Variants in F13A1 observed in about 807,000 individuals in gnomAD.
F13A1 encodes coagulation factor XIII A chain.
F13A1 carries 47 observed loss-of-function variants against 80.1 expected under a neutral mutation model. The observed-to-expected ratio is 0.59, with a 90% CI of 0.46 to 0.75. The LOEUF (loss-of-function observed/expected upper bound fraction) is 0.75, where lower values mean the gene tolerates loss of function less well. Among genes scored for constraint, F13A1 ranks in the 30% least tolerant of loss-of-function variants. The pLI is 0.00. For synonymous variants in F13A1, 349 were observed against 344.9 expected, an observed-to-expected ratio of 1.01 and a Z score of -0.13; for missense variants, 817 against 930.4, an observed-to-expected ratio of 0.88 and a Z score of 1.59.
chr6:6,288,997 T>C (rs1355380095), intron 3 of F13A1, among the ~76,000 whole-genome samples: 1 of 152,212 alleles, frequency 6.6e-6, no homozygotes, highest in Non-Finnish European at 1.5e-5. Flanking sequence ...CTGGGGTAAA[T>C]CACTTAATCC....
intron 2 of F13A1, among the ~76,000 whole-genome samples, chr6:6,315,266 C>G (rs1270818145): frequency 6.6e-6 from 1 of 152,166 alleles, no homozygotes; most frequent in Non-Finnish European, 1.5e-5. Flanking sequence ...GCAGAACAGT[C>G]TATTAGAAAT....
chr6:6,269,074 T>C (rs184691663), intron 3 of F13A1, among the ~76,000 whole-genome samples: 276 of 152,218 alleles, frequency 1.8e-3, no homozygotes, highest in Middle Eastern at 3.4e-3. Context: ...TGCTCTCTGG[T>C]TCTGAATCTG....
At chr6:6,151,791 G>A in intron 14 of F13A1, 22 bp downstream of exon 14, 1 of 1,613,918 alleles carries the variant, frequency 6.2e-7, no homozygotes, top group Middle Eastern at 1.7e-4. Flanking sequence ...TGCCTGCCCG[G>A]TCTCCCCAAC....
intron 10 of F13A1, 149 bp from the exon 11 acceptor site, chr6:6,182,290 A>G: frequency 3.8e-6 from 3 of 798,916 alleles, no homozygotes; most frequent in Middle Eastern, 2.3e-4. Context: ...AGGGCCAAAC[A>G]GGTTTTGAAA....
chr6:6,194,759 A>C (rs1264566174), intron 10 of F13A1, among the ~76,000 whole-genome samples: 1 of 152,190 alleles, frequency 6.6e-6, no homozygotes, highest in Non-Finnish European at 1.5e-5. Flanking sequence ...CCCCCAGTAC[A>C]ATGCCTGGTG....
rs1205172031 is a variant in F13A1 at position 6,250,870 on chromosome 6, C to T, written c.631G>A (p.Gly211Arg). Residue 211 changes from glycine (G) to arginine (R), a missense_variant, in exon 5 of 15, where the codon GGG becomes AGG. By Grantham distance (125) the Gly-to-Arg change is moderately radical (BLOSUM62 -2). Coordinates refer to ENST00000264870, the MANE Select transcript of F13A1 (RefSeq NM_000129.4). This position sits in a 1 kb window ranked among gnomAD's most constrained non-coding sequence, Gnocchi z 4.2. Reference protein sequence around the residue: ...EREEYVLNDIGVIFYGEVNDI... With the variant: ...EREEYVLNDIRVIFYGEVNDI... ...TTGACCTCTCCATAAAAAATTACCC[C>T]GATGTCATTCAGGACATACTCTTCT... 1.3e-5 allele frequency: 21 copies of T among 1,613,582 alleles called. No homozygotes were observed. The highest frequency in any genetic ancestry group is 1.6e-5 in the Non-Finnish European group (19 of 1,179,816).
chr6:6,300,056 T>A (rs866886498), intron 3 of F13A1, among the ~76,000 whole-genome samples: 11 of 147,072 alleles, frequency 7.5e-5, no homozygotes, highest in Admixed American at 1.3e-4. Context: ...CCAGTTAGGC[T>A]GCTTGGGGGT....
At position 6,299,798 on chromosome 6, in the gene F13A1, T is replaced by G. The variant is rs1280282985; in HGVS notation, c.319+5553A>C. 1.1e-4 allele frequency among the ~76,000 whole-genome samples: 16 copies of G among 148,518 alleles called. 1 individual carries two copies. The highest frequency in any genetic ancestry group is 2.1e-4 in the South Asian group (1 of 4,778). ...TTTGTTCCGTTGCTGGTGAGGAACT[T>G]CATTTCTTTGGAGGAGGAGAGGCGG... On this transcript the variant is annotated intron_variant, in intron 3 of 14. Coordinates refer to ENST00000264870, the MANE Select transcript of F13A1 (RefSeq NM_000129.4).
chr6:6,266,017 C>T (rs919156766), intron 4 of F13A1, among the ~76,000 whole-genome samples: 4 of 152,202 alleles, frequency 2.6e-5, no homozygotes, highest in African/African-American at 9.7e-5. Context: ...CCACAAATAA[C>T]TAACTGCAAC....
chr6:6,214,198 C>G (rs1583075200), intron 8 of F13A1, among the ~76,000 whole-genome samples: 2 of 146,312 alleles, frequency 1.4e-5, no homozygotes, highest in East Asian at 4.0e-4. Context: ...ATCTACAGAA[C>G]TCTCCACCCC....
At position 6,293,782 on chromosome 6, in the gene F13A1, AGAGGGAGGGAGGGAGGGAGG is replaced by A. The variant is rs575581821; in HGVS notation, c.319+11549_319+11568del. 4.6e-4 allele frequency among the ~76,000 whole-genome samples: 31 copies of A among 66,906 alleles called. 1 individual carries two copies. Among genetic ancestry groups the A allele is most frequent in the South Asian group, 7.0e-4 (1 of 1,422 alleles). 43.9% of individuals were successfully genotyped at this position (66,906 alleles called of 152,430 possible). On this transcript the variant is annotated intron_variant, in intron 3 of 14. Coordinates refer to ENST00000264870, the MANE Select transcript of F13A1 (RefSeq NM_000129.4). ...GGAAGGAATGGAGGGAGTGAGAGAG[AGAGGGAGGGAGGGAGGGAGG>A]GAGGGAGGGAGGGAGGGAGGGAGAG...
chr6:6,261,601 T>C (rs929875447), intron 4 of F13A1, among the ~76,000 whole-genome samples: 11 of 82,576 alleles, frequency 1.3e-4, no homozygotes, highest in Non-Finnish European at 2.7e-4. Flanking sequence ...GATTCTGATG[T>C]GTTCCAAGCG....
chr6:6,224,801 A>G lies in F13A1; in HGVS notation c.858T>C (p.Tyr286=), dbSNP rs760933649. The G allele has an allele frequency of 5.6e-6, 9 of 1,614,156 alleles. No individual in the cohort carries two copies. The highest frequency in any genetic ancestry group is 1.7e-5 in the Admixed American group (1 of 60,022). The change falls in exon 7 of 15, where the codon TAT becomes TAC. Residue 286 remains tyrosine, a synonymous_variant. Coordinates refer to ENST00000264870, the MANE Select transcript of F13A1 (RefSeq NM_000129.4). Reference sequence around the variant, plus strand: ...CAGTCCAGGCCGATGGGGGGACGCCATAGGCATAGATATTGTCCCAGGATC... The same window carrying G: ...CAGTCCAGGCCGATGGGGGGACGCCGTAGGCATAGATATTGTCCCAGGATC... ...LVGSWDNIYA[Y]GVPPSAWTGS...
At chr6:6,314,895 A>C (rs1296988095) in intron 2 of F13A1, among the ~76,000 whole-genome samples, 1 of 152,170 alleles carries the variant, frequency 6.6e-6, no homozygotes, top group East Asian at 1.9e-4. Context: ...AGTAACCTTC[A>C]ATCCAGAGAG....
Position 6,250,701 on chromosome 6 carries a change from C to T in F13A1, c.690+110G>A. 1.3e-6 allele frequency: 1 copy of T among 779,120 alleles called. No individual in the cohort carries two copies. Among genetic ancestry groups the T allele is most frequent in the Non-Finnish European group, 2.3e-6 (1 of 442,088 alleles). The allele number at this position is 779,120 out of a possible 1,614,324, so 48.3% of individuals were successfully genotyped here. A position where few individuals can be genotyped will look rare whatever the true frequency, so the allele number is the denominator to read the frequency against. On this transcript the variant is annotated intron_variant, in intron 5 of 14. Transcript: ENST00000264870. The surrounding 1 kb of genome is among the most constrained non-coding windows in gnomAD (Gnocchi z 4.2). Reference sequence around the variant, plus strand: ...CCTTGGAGTCTCAGATCCTAAAAAGCAGGAAATTGTGCTTGTCTAATATCG... The same window carrying T: ...CCTTGGAGTCTCAGATCCTAAAAAGTAGGAAATTGTGCTTGTCTAATATCG...
At chr6:6,160,398 G>A (rs919789809) in intron 13 of F13A1, among the ~76,000 whole-genome samples, 10 of 151,748 alleles carry the variant, frequency 6.6e-5, no homozygotes, top group African/African-American at 2.4e-4. Flanking sequence ...GTGCAGTGGC[G>A]GGATCTCGGC....
intron 3 of F13A1, among the ~76,000 whole-genome samples, chr6:6,273,607 G>A (rs1757949805): frequency 6.6e-6 from 1 of 152,150 alleles, no homozygotes; most frequent in South Asian, 2.1e-4. Context: ...AGCTGAGAAG[G>A]TAAATTTCAT....
At chr6:6,194,772 C>T (rs1241448704) in intron 10 of F13A1, among the ~76,000 whole-genome samples, 4 of 152,226 alleles carry the variant, frequency 2.6e-5, no homozygotes, top group African/African-American at 4.8e-5. Flanking sequence ...GCCTGGTGTA[C>T]ATTAATAATA....
At chr6:6,158,780 T>TGA (rs1170279436) in intron 13 of F13A1, among the ~76,000 whole-genome samples, 1 of 7,358 alleles carries the variant, frequency 1.4e-4, no homozygotes. Flanking sequence ...TCCACCTTAA[T>TGA]GAAGTTTGTG....
Sources: gnomAD v4.1 joint callset for allele counts (sites outside exome capture counted in the v4.1 genomes callset) on GRCh38, gnomAD v4.1.1 for gene constraint, Gnocchi (gnomAD v3.1) non-coding constraint, MANE v1.5 for transcripts, NCBI Gene and HGNC (gene_info 2026-07-23, HGNC 2026-07-21) for gene names.